The following TNIK variants were observed in gnomAD, a reference collection of about 807,000 sequenced individuals.
TNIK encodes the protein TRAF2 and NCK-interacting protein kinase.
Under a neutral mutation model 191.3 loss-of-function variants are expected in TNIK, and 49 were observed. The observed-to-expected ratio is 0.26, with a 90% CI of 0.20 to 0.32. The LOEUF (loss-of-function observed/expected upper bound fraction) is 0.32, where lower values mean the gene tolerates loss of function less well. Ranked by LOEUF, TNIK falls within the 10% of genes least tolerant of loss-of-function variation. The probability of loss-of-function intolerance (pLI) is 1.00; values close to 1 mark genes in which losing one functional copy is unlikely to be tolerated. For synonymous variants in TNIK, 594 were observed against 600.9 expected, an observed-to-expected ratio of 0.99 and a Z score of 0.17; for missense variants, 1,155 against 1,702.3, an observed-to-expected ratio of 0.68 and a Z score of 5.66.
At chr3:171,435,869 G>A (rs1430221806) in intron 1 of TNIK, among the ~76,000 whole-genome samples, 1 of 152,114 alleles carries the variant, frequency 6.6e-6, no homozygotes. Context: ...AAATTGAAGA[G>A]GGAGAAATGA....
chr3:171,406,394 A>G (rs1056656645), intron 1 of TNIK, among the ~76,000 whole-genome samples: 1 of 152,134 alleles, frequency 6.6e-6, no homozygotes, highest in Non-Finnish European at 1.5e-5. Context: ...GGCACCCTCC[A>G]TATTGAGAGC....
chr3:171,115,796 G>A (rs1726593569), intron 18 of TNIK, among the ~76,000 whole-genome samples: 1 of 152,216 alleles, frequency 6.6e-6, no homozygotes. Context: ...CCAGGAGAGA[G>A]GCAGGCAGAC....
intron 28 of TNIK, among the ~76,000 whole-genome samples, chr3:171,076,724 T>G (rs947624294): frequency 6.6e-6 from 1 of 152,220 alleles, no homozygotes; most frequent in Non-Finnish European, 1.5e-5. Flanking sequence ...CCCTGCTGAT[T>G]CCTGCTCCAT....
chr3:171,177,480 G>A, intron 7 of TNIK, 100 bp from the exon 8 acceptor site: 1 of 1,406,066 alleles, frequency 7.1e-7, no homozygotes, highest in Non-Finnish European at 9.6e-7. Context: ...AAGTCATTCA[G>A]TTTTCTGTTT....
rs530465774 is a variant in TNIK at position 171,286,747 on chromosome 3, T to C, written c.124-58526A>G. 2.0e-5 allele frequency among the ~76,000 whole-genome samples: 3 copies of C among 152,296 alleles called. No individual in the cohort carries two copies. In the South Asian group the frequency reaches 6.2e-4, roughly 32 times the overall value. The stretch of plus-strand genomic sequence containing the variant: ...ATTTAATATTTGTTCTCAATCAACA[T>C]TACCTGATACCAGTTACCAGCCAGG... On this transcript the variant is annotated intron_variant, in intron 2 of 32. Transcript: ENST00000436636.
intron 1 of TNIK, among the ~76,000 whole-genome samples, chr3:171,418,554 C>A (rs974888713): frequency 2.0e-5 from 3 of 152,024 alleles, no homozygotes; most frequent in Admixed American, 6.6e-5. Context: ...CAAGGATGAA[C>A]CTTGAAAACA....
intron 4 of TNIK, among the ~76,000 whole-genome samples, chr3:171,208,564 G>GTA (rs1233263719): frequency 1.3e-5 from 2 of 151,686 alleles, no homozygotes; most frequent in Non-Finnish European, 2.9e-5. Context: ...TTGTGTGTAT[G>GTA]TGTGTGTGTG....
intron 1 of TNIK, among the ~76,000 whole-genome samples, chr3:171,383,064 G>C (rs1012668263): frequency 2.0e-5 from 3 of 152,004 alleles, no homozygotes; most frequent in Admixed American, 1.3e-4. Context: ...GCTCACAAGA[G>C]AAAAAAAGCG....
At chr3:171,111,084 G>GA (rs1327935466) in intron 18 of TNIK, among the ~76,000 whole-genome samples, 1 of 152,098 alleles carries the variant, frequency 6.6e-6, no homozygotes, top group Admixed American at 6.5e-5. Flanking sequence ...ATAGGAATAT[G>GA]AAAAAAATGA....
At chr3:171,412,914 A>G (rs1373101211) in intron 1 of TNIK, among the ~76,000 whole-genome samples, 1 of 152,228 alleles carries the variant, frequency 6.6e-6, no homozygotes, top group African/African-American at 2.4e-5. Context: ...CAAGCTAGCA[A>G]AAATGAAACA....
intron 18 of TNIK, among the ~76,000 whole-genome samples, chr3:171,119,892 A>G (rs1421852793): frequency 6.6e-6 from 1 of 152,220 alleles, no homozygotes; most frequent in Non-Finnish European, 1.5e-5. Context: ...GCACATGTAT[A>G]CATATGTAAC....
chr3:171,417,827 C>T (rs547481736), intron 1 of TNIK, among the ~76,000 whole-genome samples: 1 of 152,314 alleles, frequency 6.6e-6, no homozygotes, highest in East Asian at 1.9e-4. Flanking sequence ...TTCTCTAAGG[C>T]TGCATGGCAT....
intron 2 of TNIK, among the ~76,000 whole-genome samples, chr3:171,291,491 T>C (rs1751681727): frequency 6.6e-6 from 1 of 152,182 alleles, no homozygotes; most frequent in Admixed American, 6.5e-5. Context: ...TCAAAGGACA[T>C]TTTCATTGGA....
rs563045698 is a variant in TNIK, at chr3:171,313,438, G to T, written c.123+56182C>A. On this transcript the variant is annotated intron_variant, in intron 2 of 32. Transcript: ENST00000436636. The stretch of plus-strand genomic sequence containing the variant: ...GCCTCACAGAATGAGTGGCAGAGAG[G>T]GCCCCAGAAATAGCTTACTCTGTTT... Among the ~76,000 whole-genome samples the T allele has an allele frequency of 3.3e-5, 5 of 152,024 alleles. No homozygotes were observed. The South Asian group carries it at 1.0e-3, about 32-fold the overall frequency.
chr3:171,413,297 T>C (rs1477560307), intron 1 of TNIK, among the ~76,000 whole-genome samples: 7 of 152,234 alleles, frequency 4.6e-5, no homozygotes, highest in African/African-American at 1.7e-4. Context: ...GGATTTTTTA[T>C]GCTAATAGGA....
chr3:171,077,038 T>G (rs1366337539), intron 28 of TNIK, among the ~76,000 whole-genome samples: 1 of 152,110 alleles, frequency 6.6e-6, no homozygotes. Flanking sequence ...GACTGAGGTA[T>G]GTAGTATACC....
At chr3:171,427,853 C>T (rs897683675) in intron 1 of TNIK, among the ~76,000 whole-genome samples, 5 of 152,060 alleles carry the variant, frequency 3.3e-5, no homozygotes, top group Non-Finnish European at 7.4e-5. Context: ...GGAGGTCTCA[C>T]TTAAAAGATG....
intron 18 of TNIK, among the ~76,000 whole-genome samples, chr3:171,113,107 T>G (rs1726099676): frequency 6.6e-6 from 1 of 152,232 alleles, no homozygotes; most frequent in African/African-American, 2.4e-5. Flanking sequence ...TTAGGTACAG[T>G]TTTAAAAAGT....
At chr3:171,105,137 T>A (rs1489125453) in intron 21 of TNIK, among the ~76,000 whole-genome samples, 1 of 151,606 alleles carries the variant, frequency 6.6e-6, no homozygotes, top group East Asian at 1.9e-4. Context: ...CAAAAGTGAT[T>A]TTCAGATTTT....
Sources: gnomAD v4.1 joint callset for allele counts (sites outside exome capture counted in the v4.1 genomes callset) on GRCh38, gnomAD v4.1.1 for gene constraint, MANE v1.5 for transcripts, NCBI Gene and HGNC (gene_info 2026-07-23, HGNC 2026-07-21) for gene names.